Variants in LYPLAL1 observed in about 807,000 individuals in gnomAD.
The protein encoded by LYPLAL1 is lysophospholipase like 1, also known as lysophospholipase-like protein 1.
LYPLAL1 carries 23 observed loss-of-function variants against 19.7 expected under a neutral mutation model. The ratio of observed to expected loss-of-function variants is 1.17; its 90% CI spans 0.84 to 1.65. The LOEUF (loss-of-function observed/expected upper bound fraction) is 1.65, where lower values mean the gene tolerates loss of function less well. Ranked by LOEUF, LYPLAL1 falls within the 40% of genes most tolerant of loss-of-function variation. The probability of loss-of-function intolerance (pLI) is 0.00; values close to 1 mark genes in which losing one functional copy is unlikely to be tolerated. For synonymous variants in LYPLAL1, 119 were observed against 96.3 expected (o/e 1.24, Z -1.38); for missense variants, 355 against 279.4 (o/e 1.27, Z -1.93).
chr1:219,343,149 C>T, the LYPLAL1 span, among the ~76,000 whole-genome samples: 1 of 152,242 alleles, frequency 6.6e-6, no homozygotes, highest in South Asian at 2.1e-4. Flanking sequence ...TTTTCTCCTC[C>T]CCAATCAGCA....
chr1:219,291,601 T>A, the LYPLAL1 span, among the ~76,000 whole-genome samples: 1 of 152,170 alleles, frequency 6.6e-6, no homozygotes, highest in Non-Finnish European at 1.5e-5. Context: ...GGACTGGAGA[T>A]GGTGATGATT....
chr1:219,351,062 C>G, the LYPLAL1 span, among the ~76,000 whole-genome samples: 2 of 151,902 alleles, frequency 1.3e-5, no homozygotes, highest in African/African-American at 4.8e-5. Flanking sequence ...GCTGTGACTA[C>G]CTAAAGCTCT....
chr1:219,220,849 A>G, the LYPLAL1 span, among the ~76,000 whole-genome samples: 4 of 152,182 alleles, frequency 2.6e-5, no homozygotes, highest in Non-Finnish European at 5.9e-5. Context: ...ACAACAGATT[A>G]GTTTCATGGG....
chr1:219,352,445 G>C, the LYPLAL1 span, among the ~76,000 whole-genome samples: 1 of 152,182 alleles, frequency 6.6e-6, no homozygotes, highest in Non-Finnish European at 1.5e-5. Context: ...GTGAACCCGG[G>C]AGGTGGAGCT....
the LYPLAL1 span, among the ~76,000 whole-genome samples, chr1:219,380,482 G>A: frequency 3.3e-5 from 5 of 152,234 alleles, no homozygotes; most frequent in Non-Finnish European, 7.3e-5. Flanking sequence ...GTCATTGCTG[G>A]GAGCATCCCA....
At chr1:219,323,776 C>T in the LYPLAL1 span, among the ~76,000 whole-genome samples, 1 of 152,160 alleles carries the variant, frequency 6.6e-6, no homozygotes, top group Non-Finnish European at 1.5e-5. Flanking sequence ...ACAGTGGATT[C>T]CTGCAGTTGC....
the LYPLAL1 span, among the ~76,000 whole-genome samples, chr1:219,321,038 C>G: frequency 2.6e-5 from 4 of 152,190 alleles, no homozygotes; most frequent in African/African-American, 9.7e-5. Context: ...AATGGTTGAA[C>G]TAGTTTACAG....
At chr1:219,214,559 A>G (rs1281082452), downstream of LYPLAL1, among the ~76,000 whole-genome samples, 1 of 151,936 alleles carries the variant, frequency 6.6e-6, no homozygotes, top group Non-Finnish European at 1.5e-5. Flanking sequence ...GCCACTTCAC[A>G]TTTATTATAA....
the LYPLAL1 span, among the ~76,000 whole-genome samples, chr1:219,442,919 A>G: frequency 1.3e-5 from 2 of 152,182 alleles, no homozygotes; most frequent in African/African-American, 4.8e-5. Flanking sequence ...TAGGTCAGAT[A>G]TCTTACATCC....
At chr1:219,310,222 T>C in the LYPLAL1 span, among the ~76,000 whole-genome samples, 1 of 152,214 alleles carries the variant, frequency 6.6e-6, no homozygotes, top group Non-Finnish European at 1.5e-5. Context: ...AGGGAGGGAA[T>C]GTTTTTGACT....
the LYPLAL1 span, among the ~76,000 whole-genome samples, chr1:219,424,057 A>G: frequency 6.7e-6 from 1 of 149,702 alleles, no homozygotes; most frequent in African/African-American, 2.4e-5. Context: ...TATAAAATAT[A>G]CTATTAGGCA....
the LYPLAL1 span, among the ~76,000 whole-genome samples, chr1:219,331,054 T>C: frequency 6.6e-6 from 1 of 152,166 alleles, no homozygotes; most frequent in Non-Finnish European, 1.5e-5. Flanking sequence ...ACACATCTAT[T>C]AAATGTTCTT....
chr1:219,221,276 G>A, the LYPLAL1 span, among the ~76,000 whole-genome samples: 1 of 152,158 alleles, frequency 6.6e-6, no homozygotes, highest in African/African-American at 2.4e-5. Context: ...CATTGGTGAA[G>A]CAGGCCAAGT....
chr1:219,305,032 C>G, the LYPLAL1 span, among the ~76,000 whole-genome samples: 1 of 152,132 alleles, frequency 6.6e-6, no homozygotes, highest in Non-Finnish European at 1.5e-5. Flanking sequence ...AAAGAGTTCC[C>G]AGACATTACT....
chr1:219,347,893 C>T, the LYPLAL1 span, among the ~76,000 whole-genome samples: 26 of 151,930 alleles, frequency 1.7e-4, no homozygotes, highest in Admixed American at 1.6e-3. Context: ...CCCTTGAGCT[C>T]CCCCACAGGA....
At chr1:219,192,506 A>C (rs375479033) in intron 2 of LYPLAL1, among the ~76,000 whole-genome samples, 6 of 151,764 alleles carry the variant, frequency 4.0e-5, no homozygotes, top group African/African-American at 1.4e-4. Flanking sequence ...AGGGCATGCC[A>C]AGGGATAAGG....
chr1:219,431,662 A>C, the LYPLAL1 span, among the ~76,000 whole-genome samples: 6 of 152,326 alleles, frequency 3.9e-5, no homozygotes, highest in African/African-American at 7.2e-5. Flanking sequence ...TGGAAACTAA[A>C]CTTCAGAAGA....
the LYPLAL1 span, among the ~76,000 whole-genome samples, chr1:219,373,877 AAAAAC>A: frequency 1.2e-4 from 2 of 16,536 alleles, no homozygotes; most frequent in Non-Finnish European, 3.1e-4. Context: ...AAAAAAAAAA[AAAAAC>A]AAAAAAAAAA....
the LYPLAL1 span, among the ~76,000 whole-genome samples, chr1:219,236,534 GAC>G: frequency 6.6e-6 from 1 of 152,106 alleles, no homozygotes; most frequent in African/African-American, 2.4e-5. Context: ...CTGTCAATAA[GAC>G]ATTCTCTTAA....
Sources: allele counts gnomAD v4.1 joint callset (sites outside exome capture counted in the v4.1 genomes callset), GRCh38; gene constraint gnomAD v4.1.1; transcripts MANE v1.5; gene names NCBI Gene and HGNC (gene_info 2026-07-23, HGNC 2026-07-21).